The following HHLA1 variants were observed in gnomAD, a reference collection of about 807,000 sequenced individuals.
HHLA1 encodes HHLA1 neighbor of OC90.
HHLA1 carries 72 observed loss-of-function variants against 69.9 expected under a neutral mutation model. The observed-to-expected ratio is 1.03, with a 90% CI of 0.85 to 1.25. HHLA1 has a LOEUF of 1.25. HHLA1 is among the 50% of genes most tolerant of loss of function. The pLI is 0.00. For missense variants in HHLA1, 685 were observed against 642.2 expected (o/e 1.07, Z -0.72); for synonymous variants, 252 against 233.2 (o/e 1.08, Z -0.73).
At chr8:132,083,708 C>G (rs1000784895) in intron 10 of HHLA1, among the ~76,000 whole-genome samples, 2 of 152,156 alleles carry the variant, frequency 1.3e-5, no homozygotes, top group South Asian at 4.1e-4. Flanking sequence ...GTAGCAAGCT[C>G]CTGTGGGAGG....
At chr8:132,073,312 A>G (rs1823580561) in intron 14 of HHLA1, among the ~76,000 whole-genome samples, 1 of 152,128 alleles carries the variant, frequency 6.6e-6, no homozygotes, top group South Asian at 2.1e-4. Context: ...GAAGGGGCTC[A>G]TAATGTTAGC....
intron 3 of HHLA1, among the ~76,000 whole-genome samples, chr8:132,102,792 ATTTTTTTTTTT>A (rs3048490): frequency 0.22 from 31,427 of 143,782 alleles, 3,771 homozygotes; most frequent in Middle Eastern, 0.32. Flanking sequence ...ACTGAGCACC[ATTTTTTTTTTT>A]TTTTTTTTTT....
chr8:132,087,710 C>G lies in HHLA1; in HGVS notation c.619G>C (p.Glu207Gln). 1 of 1,551,572 alleles carries G rather than the reference C, an allele frequency of 6.4e-7. No individual in the cohort carries two copies. Among genetic ancestry groups the G allele is most frequent in the Non-Finnish European group, 8.7e-7 (1 of 1,146,878 alleles). ...TAATTGATAATGGGATATTTTTCTT[C>G]TATCTCCCAGAAGTCAGAAAGATTC... ...GRNLSDFWEI[E>Q]EKYPIINYTF... The change falls in exon 10 of 17, where the codon GAA (glutamate) becomes CAA (glutamine). Residue 207 changes from glutamate to glutamine, a missense_variant. Glu to Gln is a conservative substitution (Grantham distance 29). Transcript: ENST00000414222.
chr8:132,062,150 G>C lies in HHLA1; in HGVS notation c.*1845C>G, dbSNP rs1823364241. ...AAATTAATCCATGCTTAATGAGTTTGCTTGGTTCCTATCCAGGTAGAAGTC... is the reference window on the plus strand; with the variant it reads ...AAATTAATCCATGCTTAATGAGTTTCCTTGGTTCCTATCCAGGTAGAAGTC... On this transcript the variant is annotated 3_prime_UTR_variant, in exon 17 of 17. Transcript: ENST00000414222. The C allele has an allele frequency of 6.6e-6, 1 of 152,202 alleles. No homozygotes were observed. The highest frequency in any genetic ancestry group is 6.5e-5 in the Admixed American group (1 of 15,282). 9.4% of individuals were successfully genotyped at this position (152,202 alleles called of 1,614,324 possible). A position where few individuals can be genotyped will look rare whatever the true frequency, so the allele number is the denominator to read the frequency against.
At chr8:132,083,228 G>T (rs1174980665) in intron 10 of HHLA1, among the ~76,000 whole-genome samples, 3 of 152,140 alleles carry the variant, frequency 2.0e-5, no homozygotes, top group Non-Finnish European at 4.4e-5. Flanking sequence ...AAATGCACAG[G>T]TGGGGATAAC....
intron 7 of HHLA1, among the ~76,000 whole-genome samples, chr8:132,093,881 G>A (rs910508530): frequency 7.2e-5 from 11 of 152,056 alleles, no homozygotes; most frequent in African/African-American, 2.7e-4. Flanking sequence ...GATTCACAGG[G>A]TAAATTACAT....
At position 132,079,730 on chromosome 8, in the gene HHLA1, G is replaced by C. The variant is rs751512340; in HGVS notation, c.913C>G (p.Leu305Val). The change falls in exon 11 of 17, where the codon CTC (leucine) becomes GTC (valine). Residue 305 changes from leucine (L) to valine (V), a missense_variant. Physicochemically the swap from Leu to Val is conservative, Grantham distance 32 (BLOSUM62 1). Transcript: ENST00000414222. ...TATWFSASHT[L>V]PALATRRVAR... ...GAATGCATCTTACCCAAGGCTGGGA[G>C]AGTGTGGGAGGCACTGAACCATGTG... 41 of 1,548,778 alleles carry C rather than the reference G, an allele frequency of 2.6e-5. No homozygotes were observed. The highest frequency in any genetic ancestry group is 2.0e-4 in the East Asian group (8 of 40,884).
At chr8:132,100,004 G>T in intron 4 of HHLA1, 71 bp downstream of exon 4, 1 of 1,113,034 alleles carries the variant, frequency 9.0e-7, no homozygotes, top group South Asian at 1.3e-5. Context: ...GGAAAGAACA[G>T]AGGTCTAGAG....
chr8:132,079,685 C>T (rs1252952334), intron 11 of HHLA1, 33 bp downstream of exon 11: 2 of 1,512,762 alleles, frequency 1.3e-6, no homozygotes, highest in African/African-American at 1.4e-5. Context: ...CGAGACATAG[C>T]AAAGGGGAGG....
chr8:132,090,339 C>T (rs1047687361), intron 7 of HHLA1, among the ~76,000 whole-genome samples: 3 of 152,184 alleles, frequency 2.0e-5, no homozygotes, highest in South Asian at 2.1e-4. Context: ...TGGCTTTCCA[C>T]GATCCAGCAA....
In HHLA1 at chr8:132,063,959, A is replaced by C. The variant is rs772344317; in HGVS notation, c.*36T>G. ...GCCAGGGTGGATGGCGTATCCCCTG[A>C]AGTAATTGTTATGCCCTAGTGTTAT... On this transcript the variant is annotated 3_prime_UTR_variant, in exon 17 of 17. Transcript: ENST00000414222. 101 of 1,229,586 alleles carry C rather than the reference A, an allele frequency of 8.2e-5. No homozygotes were observed. The highest frequency in any genetic ancestry group is 4.4e-4 in the Middle Eastern group (2 of 4,510). 76.2% of individuals were successfully genotyped at this position (1,229,586 alleles called of 1,614,324 possible).
chr8:132,075,241 T>A lies in HHLA1; in HGVS notation c.1315+814A>T, dbSNP rs77513851. On this transcript the variant is annotated intron_variant, in intron 14 of 16. Coordinates refer to ENST00000414222, the MANE Select transcript of HHLA1 (RefSeq NM_001145095.3). ...AGGAGACGGGGCAGGGTCCAGCAGT[T>A]TAATAATGCCCTGTTGACATATGAC... Among the ~76,000 whole-genome samples, 730 of 152,270 alleles carry A rather than the reference T, an allele frequency of 4.8e-3. 4 individuals are homozygous for A. Among genetic ancestry groups the A allele is most frequent in the East Asian group, 0.028 (146 of 5,176 alleles).
chr8:132,098,997 CT>C, intron 4 of HHLA1, 35 bp from the exon 5 acceptor site: 4 of 1,409,818 alleles, frequency 2.8e-6, no homozygotes, highest in Non-Finnish European at 3.9e-6. Flanking sequence ...CACTGGCAGG[CT>C]TTTCTCGGCA....
At position 132,062,924 on chromosome 8, in the gene HHLA1, T is replaced by C. The variant is rs906922884; in HGVS notation, c.*1071A>G. On this transcript the variant is annotated 3_prime_UTR_variant, in exon 17 of 17. Coordinates refer to ENST00000414222, the MANE Select transcript of HHLA1 (RefSeq NM_001145095.3). ...TTCGTGCCATGACAGATAGTTTATG[T>C]TAACAATGTGATTTATGGTGGGGCC... The C allele has an allele frequency of 6.6e-6, 1 of 152,244 alleles. No individual in the cohort carries two copies. The highest frequency in any genetic ancestry group is 2.4e-5 in the African/African-American group (1 of 41,444). The allele number at this position is 152,244 out of a possible 1,614,324, so 9.4% of individuals were successfully genotyped here.
intron 7 of HHLA1, among the ~76,000 whole-genome samples, chr8:132,094,985 T>TG (rs1411087837): frequency 6.6e-6 from 1 of 152,274 alleles, no homozygotes; most frequent in Admixed American, 6.5e-5. Context: ...ATACTCTCCT[T>TG]GGGAAAAAAA....
intron 1 of HHLA1, 38 bp downstream of exon 1, chr8:132,111,064 C>G (rs1423823341): frequency 6.6e-6 from 1 of 152,098 alleles, no homozygotes; most frequent in Non-Finnish European, 1.5e-5. Context: ...GGAGGAGGAA[C>G]CAAAAGAGTT....
chr8:132,093,839 AT>A (rs1422043012), intron 7 of HHLA1, among the ~76,000 whole-genome samples: 1 of 152,136 alleles, frequency 6.6e-6, no homozygotes, highest in African/African-American at 2.4e-5. Context: ...ATTATGAAGA[AT>A]TTTTTTCCTC....
chr8:132,095,818 A>G (rs1032657973), intron 5 of HHLA1, 32 bp from the exon 6 acceptor site: 30 of 1,371,586 alleles, frequency 2.2e-5, no homozygotes, highest in Non-Finnish European at 2.7e-5. Flanking sequence ...AGAGACAGAC[A>G]GATGCCTACT....
At chr8:132,105,601 A>T (rs1298347522) in intron 1 of HHLA1, among the ~76,000 whole-genome samples, 1 of 152,132 alleles carries the variant, frequency 6.6e-6, no homozygotes, top group Non-Finnish European at 1.5e-5. Flanking sequence ...GCCTCCTTAG[A>T]CTTTGATTCA....
Sources: gnomAD v4.1 joint callset for allele counts (sites outside exome capture counted in the v4.1 genomes callset) on GRCh38, gnomAD v4.1.1 for gene constraint, MANE v1.5 for transcripts, NCBI Gene and HGNC (gene_info 2026-07-23, HGNC 2026-07-21) for gene names.